Variants in TTC29 observed in about 807,000 individuals in gnomAD.
The protein encoded by TTC29 is tetratricopeptide repeat domain 29.
In TTC29, 49 loss-of-function variants were observed where a neutral mutation model predicts 58.1. That is an observed-to-expected ratio of 0.84 (90% confidence interval 0.67 to 1.07). The LOEUF is 1.07. Ranked by LOEUF, TTC29 falls within the 50% of genes least tolerant of loss-of-function variation. TTC29 has a pLI of 0.00. For missense variants in TTC29, 582 were observed against 555.6 expected (o/e 1.05, Z -0.48); for synonymous variants, 209 against 196.8 (o/e 1.06, Z -0.52).
intron 6 of TTC29, among the ~76,000 whole-genome samples, chr4:146,895,547 G>A (rs945495745): frequency 1.3e-5 from 2 of 152,128 alleles, no homozygotes; most frequent in Non-Finnish European, 2.9e-5. Context: ...TTCTCAAGGA[G>A]GGTGATCTTT....
chr4:146,849,175 G>T (rs1313703982), intron 8 of TTC29, among the ~76,000 whole-genome samples: 1 of 152,074 alleles, frequency 6.6e-6, no homozygotes, highest in African/African-American at 2.4e-5. Context: ...AACTACATGT[G>T]CAGGGTGTCT....
chr4:146,729,725 C>G (rs1343041879), intron 11 of TTC29, among the ~76,000 whole-genome samples: 1 of 151,990 alleles, frequency 6.6e-6, no homozygotes, highest in African/African-American at 2.4e-5. Flanking sequence ...ACAATCATGG[C>G]AGAAGTAGAA....
intron 11 of TTC29, among the ~76,000 whole-genome samples, chr4:146,770,923 T>C (rs1747675317): frequency 6.6e-6 from 1 of 152,104 alleles, no homozygotes. Context: ...TAAGAATAAA[T>C]GAGAAACTGC....
At chr4:146,728,817 G>GTA (rs869118760) in intron 11 of TTC29, among the ~76,000 whole-genome samples, 9 of 71,324 alleles carry the variant, frequency 1.3e-4, no homozygotes, top group African/African-American at 4.7e-4. Context: ...ATATATATGT[G>GTA]TATATATACA....
intron 11 of TTC29, among the ~76,000 whole-genome samples, chr4:146,755,280 T>G (rs1746355297): frequency 6.6e-6 from 1 of 152,168 alleles, no homozygotes; most frequent in African/African-American, 2.4e-5. Context: ...TTAATATTGT[T>G]AAAATGTCCA....
At chr4:146,931,503 G>T (rs10519843) in intron 4 of TTC29, among the ~76,000 whole-genome samples, 11,415 of 152,226 alleles carry the variant, frequency 0.075, 1,459 homozygotes, top group African/African-American at 0.26. Context: ...TTTCTTGTTA[G>T]TATGCTCTCC....
In TTC29 at chr4:146,937,669, A is replaced by C. The variant is rs1735961946; in HGVS notation, c.101T>G (p.Leu34Trp). 2.0e-6 allele frequency: 3 copies of C among 1,495,352 alleles called. No individual in the cohort carries two copies. In the East Asian group the frequency reaches 7.3e-5, roughly 37 times the overall value. The allele number at this position is 1,495,352 out of a possible 1,614,324, so 92.6% of individuals were successfully genotyped here. A position where few individuals can be genotyped will look rare whatever the true frequency, so the allele number is the denominator to read the frequency against. Residue 34 changes from leucine to tryptophan, a missense_variant, in exon 4 of 13, where the codon TTG (leucine) becomes TGG (tryptophan). Physicochemically the swap from Leu to Trp is moderately conservative, Grantham distance 61. Coordinates refer to ENST00000325106, the MANE Select transcript of TTC29 (RefSeq NM_031956.4). ...CSSRKIPRSQ[L>W]IKEKDDIDHY... ...ATCTATGTCATCTTTTTCTTTGATCAATTGAGACCTAAATGAAATAGAAAG... is the reference window on the plus strand; with the variant it reads ...ATCTATGTCATCTTTTTCTTTGATCCATTGAGACCTAAATGAAATAGAAAG...
intron 11 of TTC29, among the ~76,000 whole-genome samples, chr4:146,731,263 C>A (rs1744310023): frequency 6.6e-6 from 1 of 151,532 alleles, no homozygotes; most frequent in South Asian, 2.1e-4. Flanking sequence ...TAGTTGAGAG[C>A]AAATATAGGG....
chr4:146,870,527 T>C (rs1391149805), intron 7 of TTC29, among the ~76,000 whole-genome samples: 3 of 151,684 alleles, frequency 2.0e-5, no homozygotes, highest in Non-Finnish European at 4.4e-5. Flanking sequence ...AGAAAAACCA[T>C]AGTGAAAATC....
chr4:146,936,885 T>C (rs1043843144), intron 4 of TTC29, among the ~76,000 whole-genome samples: 3 of 152,088 alleles, frequency 2.0e-5, no homozygotes, highest in Admixed American at 2.0e-4. Context: ...TTCCATAAGA[T>C]ACGTGTAAAT....
At chr4:146,827,843 G>A (rs1371087773) in intron 9 of TTC29, among the ~76,000 whole-genome samples, 1 of 152,132 alleles carries the variant, frequency 6.6e-6, no homozygotes, top group African/African-American at 2.4e-5. Context: ...ATTTAGCTAA[G>A]CAATCCTTCC....
chr4:146,912,481 C>A (rs192792365), intron 4 of TTC29, among the ~76,000 whole-genome samples: 150 of 152,148 alleles, frequency 9.9e-4, no homozygotes, highest in African/African-American at 3.4e-3. Context: ...CCGAGTAGTG[C>A]GCTGCTGTTT....
chr4:146,938,047 AAC>A (rs1736008461), intron 3 of TTC29, among the ~76,000 whole-genome samples: 1 of 152,172 alleles, frequency 6.6e-6, no homozygotes, highest in Non-Finnish European at 1.5e-5. Flanking sequence ...CTGAGCCAAG[AAC>A]ACCTGTTTGA....
intron 10 of TTC29, among the ~76,000 whole-genome samples, chr4:146,809,855 C>G (rs981305202): frequency 6.7e-6 from 1 of 149,820 alleles, no homozygotes; most frequent in Non-Finnish European, 1.5e-5. Flanking sequence ...GACAGGGTGG[C>G]AATTTCTCAA....
At position 146,850,763 on chromosome 4, in the gene TTC29, G is replaced by T. The variant is rs541287806; in HGVS notation, c.885+16735C>A. Among the ~76,000 whole-genome samples, 28 of 152,118 alleles carry T rather than the reference G, an allele frequency of 1.8e-4. No homozygotes were observed. The South Asian group carries it at 5.8e-3, about 32-fold the overall frequency. ...TTGAAACCATGTGACAAATATTCAC[G>T]TTTAGTTACACAATATTTTCAATGG... On this transcript the variant is annotated intron_variant, in intron 8 of 12. Coordinates refer to ENST00000325106, the MANE Select transcript of TTC29 (RefSeq NM_031956.4).
Position 146,897,375 on chromosome 4 carries a change from T to C in TTC29, c.586+6169A>G, listed in dbSNP as rs77873872. On this transcript the variant is annotated intron_variant, in intron 6 of 12. Transcript: ENST00000325106. ...GCTCAAGGCAATCAATCGTGACCTA[T>C]TGCAAAGGCTTGTCAGGGGGCCTCT... is the stretch of plus-strand genomic sequence containing the variant. Among the ~76,000 whole-genome samples, 1,322 of 152,192 alleles carry C rather than the reference T, an allele frequency of 8.7e-3. 20 individuals are homozygous for C. Among genetic ancestry groups the C allele is most frequent in the African/African-American group, 0.03 (1,249 of 41,538 alleles).
At chr4:146,905,110 C>G (rs1022995898) in intron 5 of TTC29, among the ~76,000 whole-genome samples, 1 of 152,142 alleles carries the variant, frequency 6.6e-6, no homozygotes, top group Non-Finnish European at 1.5e-5. Context: ...TGAAAAGTAG[C>G]GCATGACCTA....
At chr4:146,906,477 T>C (rs2150278097) in intron 5 of TTC29, among the ~76,000 whole-genome samples, 1 of 152,286 alleles carries the variant, frequency 6.6e-6, no homozygotes, top group South Asian at 2.1e-4. Flanking sequence ...GTCACAACCA[T>C]ATGGAATGGA....
chr4:146,735,028 C>G (rs1316307864), intron 11 of TTC29, among the ~76,000 whole-genome samples: 1 of 151,938 alleles, frequency 6.6e-6, no homozygotes, highest in Admixed American at 6.6e-5. Context: ...GAAATGCAAA[C>G]TAATAAGAAA....
Sources: allele counts gnomAD v4.1 joint callset (sites outside exome capture counted in the v4.1 genomes callset), GRCh38; gene constraint gnomAD v4.1.1; transcripts MANE v1.5; gene names NCBI Gene and HGNC (gene_info 2026-07-23, HGNC 2026-07-21).